EPB41L2: variants seen among roughly 807,000 people sequenced by gnomAD.
The protein encoded by EPB41L2 is band 4.1-like protein 2.
EPB41L2 carries 43 observed loss-of-function variants against 113.0 expected under a neutral mutation model. That is an observed-to-expected ratio of 0.38 (90% CI 0.30 to 0.49). EPB41L2 has a LOEUF of 0.49. Ranked by LOEUF, EPB41L2 falls within the 20% of genes least tolerant of loss-of-function variation. The probability of loss-of-function intolerance (pLI) is 0.95; values close to 1 mark genes in which losing one functional copy is unlikely to be tolerated. For synonymous variants in EPB41L2, 442 were observed against 436.7 expected (o/e 1.01, Z -0.15); for missense variants, 1,147 against 1,223.4 (o/e 0.94, Z 0.93).
intron 11 of EPB41L2, 58 bp downstream of exon 11, chr6:130,890,236 G>A (rs1792343264): frequency 6.6e-7 from 1 of 1,516,090 alleles, no homozygotes; most frequent in Non-Finnish European, 8.9e-7. Flanking sequence ...AACATTTTCT[G>A]ACCTCATGGG....
At chr6:130,927,202 C>T (rs1286200184) in intron 3 of EPB41L2, among the ~76,000 whole-genome samples, 2 of 152,066 alleles carry the variant, frequency 1.3e-5, no homozygotes, top group African/African-American at 4.8e-5. Context: ...TCTATATGAG[C>T]TATGCTCCTA....
At position 130,951,312 on chromosome 6, in the gene EPB41L2, CTTTTTTTTTTTTTT is replaced by C. The variant is rs34082234; in HGVS notation, c.705+3779_705+3792del. On this transcript the variant is annotated intron_variant, in intron 3 of 19. Transcript: ENST00000337057. ...AGAAAAAAGATGCTCAGCCTCAGTA[CTTTTTTTTTTTTTT>C]TTTTTTTTTTTTTTTGAGACAAAAG... Among the ~76,000 whole-genome samples, 6 of 50,844 alleles carry C rather than the reference CTTTTTTTTTTTTTT, an allele frequency of 1.2e-4. 1 individual carries two copies. The highest frequency in any genetic ancestry group is 2.7e-4 in the African/African-American group (2 of 7,514). 33.4% of individuals were successfully genotyped at this position (50,844 alleles called of 152,430 possible).
chr6:131,013,452 C>G (rs1485109940), intron 1 of EPB41L2: 12 of 152,010 alleles, frequency 7.9e-5, no homozygotes, highest in Non-Finnish European at 1.8e-4. Context: ...AGACTTTTAT[C>G]CAAATCAGCT....
At chr6:130,884,290 G>A (rs1171269770) in intron 12 of EPB41L2, among the ~76,000 whole-genome samples, 8 of 152,048 alleles carry the variant, frequency 5.3e-5, no homozygotes, top group African/African-American at 1.9e-4. Flanking sequence ...AGCTGAGATC[G>A]AGCCATTGCA....
chr6:130,950,577 C>A (rs1450141375), intron 3 of EPB41L2, among the ~76,000 whole-genome samples: 2 of 152,092 alleles, frequency 1.3e-5, no homozygotes, highest in African/African-American at 2.4e-5. Flanking sequence ...AGGCTACCAT[C>A]CAAGACAGTT....
At chr6:130,892,422 T>TTTTTTTTTTTTTTTA (rs59118485) in intron 10 of EPB41L2, among the ~76,000 whole-genome samples, 1 of 136,070 alleles carries the variant, frequency 7.3e-6, no homozygotes, top group Non-Finnish European at 1.6e-5. Flanking sequence ...TTTTTTTTTT[T>TTTTTTTTTTTTTTTA]ATCATTATGT....
At chr6:130,987,873 G>C (rs997556495) in intron 1 of EPB41L2, among the ~76,000 whole-genome samples, 1 of 151,644 alleles carries the variant, frequency 6.6e-6, no homozygotes, top group African/African-American at 2.4e-5. Flanking sequence ...AATACTTTGG[G>C]AGCCCTAAGC....
At chr6:130,961,457 T>C (rs1282772244) in intron 1 of EPB41L2, among the ~76,000 whole-genome samples, 3 of 152,106 alleles carry the variant, frequency 2.0e-5, no homozygotes, top group Non-Finnish European at 2.9e-5. Flanking sequence ...TTTCCAACGT[T>C]TAAAAAAGGA....
intron 3 of EPB41L2, among the ~76,000 whole-genome samples, chr6:130,951,274 G>A (rs1477145927): frequency 7.2e-6 from 1 of 139,642 alleles, no homozygotes; most frequent in Non-Finnish European, 1.5e-5. Context: ...GAGGGGGAGG[G>A]GGGGAGGGGA....
At chr6:130,922,820 T>C (rs1200274378) in intron 4 of EPB41L2, among the ~76,000 whole-genome samples, 1 of 152,152 alleles carries the variant, frequency 6.6e-6, no homozygotes, top group Admixed American at 6.5e-5. Context: ...GTTACAAGCC[T>C]CCATATGAAT....
intron 3 of EPB41L2, among the ~76,000 whole-genome samples, chr6:130,954,800 T>A (rs1184451414): frequency 6.6e-6 from 1 of 152,236 alleles, no homozygotes; most frequent in Non-Finnish European, 1.5e-5. Flanking sequence ...GTCAGCCTAG[T>A]GCTATCATTT....
intron 1 of EPB41L2, among the ~76,000 whole-genome samples, chr6:131,036,394 T>G (rs113415324): frequency 1.3e-5 from 2 of 151,666 alleles, no homozygotes; most frequent in African/African-American, 4.8e-5. Context: ...AGCAAGAGAG[T>G]GGCATAATAA....
At chr6:130,976,028 AAAAACAAAAC>A (rs369667237) in intron 1 of EPB41L2, among the ~76,000 whole-genome samples, 137 of 152,276 alleles carry the variant, frequency 9.0e-4, no homozygotes, top group Non-Finnish European at 1.5e-3. Context: ...ACTCCGTCTC[AAAAACAAAAC>A]AAAACAAAAC....
Position 130,956,310 on chromosome 6 carries a change from A to G in EPB41L2, c.176T>C (p.Leu59Pro). 2.5e-6 allele frequency: 4 copies of G among 1,614,090 alleles called. No individual in the cohort carries two copies. Among genetic ancestry groups the G allele is most frequent in the Non-Finnish European group, 3.4e-6 (4 of 1,180,016 alleles). Reference sequence around the variant, plus strand: ...TTCCTTCTCTCTCTTCTGGCGGCGTAGACTACTTTGGCTTTCAGCTGCAGG... The same window carrying G: ...TTCCTTCTCTCTCTTCTGGCGGCGTGGACTACTTTGGCTTTCAGCTGCAGG... ...PPPAAESQSS[L>P]RRQKREKETS... Residue 59 changes from leucine to proline, a missense_variant, in exon 2 of 20, where the codon CTA becomes CCA. Coordinates refer to ENST00000337057, the MANE Select transcript of EPB41L2 (RefSeq NM_001431.4).
chr6:130,845,327 G>A (rs1776687211), intron 19 of EPB41L2, among the ~76,000 whole-genome samples: 1 of 152,182 alleles, frequency 6.6e-6, no homozygotes, highest in Non-Finnish European at 1.5e-5. Context: ...TCTACTGGCA[G>A]CTCAGCCTAC....
Position 130,944,160 on chromosome 6 carries a change from CAT to C in EPB41L2, c.705+10943_705+10944del, listed in dbSNP as rs1491074667. Among the ~76,000 whole-genome samples, 303 of 140,828 alleles carry C rather than the reference CAT, an allele frequency of 2.2e-3. 1 individual carries two copies. The highest frequency in any genetic ancestry group is 7.7e-3 in the African/African-American group (294 of 38,208). 92.4% of individuals were successfully genotyped at this position (140,828 alleles called of 152,430 possible). ...TGGGTGGATTATATATATATACGTACATACACACACATACACACACACACACA... is the reference window on the plus strand; with the variant it reads ...TGGGTGGATTATATATATATACGTACACACACACATACACACACACACACA... On this transcript the variant is annotated intron_variant, in intron 3 of 19. Coordinates refer to ENST00000337057, the MANE Select transcript of EPB41L2 (RefSeq NM_001431.4).
At chr6:130,912,501 T>C (rs771761945) in intron 4 of EPB41L2, among the ~76,000 whole-genome samples, 1 of 152,188 alleles carries the variant, frequency 6.6e-6, no homozygotes, top group Admixed American at 6.5e-5. Flanking sequence ...GTTCTAACAC[T>C]GGTTATATTC....
intron 11 of EPB41L2, among the ~76,000 whole-genome samples, chr6:130,887,332 C>T (rs536524671): frequency 2.6e-5 from 4 of 152,334 alleles, no homozygotes; most frequent in Admixed American, 2.0e-4. Flanking sequence ...AGACCACCAT[C>T]GCTTTCACCT....
intron 6 of EPB41L2, 59 bp from the exon 7 acceptor site, chr6:130,901,239 C>T (rs1013506102): frequency 2.0e-6 from 3 of 1,477,830 alleles, no homozygotes; most frequent in Admixed American, 3.4e-5. Flanking sequence ...GATTGGAGCA[C>T]TCACAGTCCT....
Sources: allele counts gnomAD v4.1 joint callset (sites outside exome capture counted in the v4.1 genomes callset), GRCh38; gene constraint gnomAD v4.1.1; transcripts MANE v1.5; gene names NCBI Gene and HGNC (gene_info 2026-07-23, HGNC 2026-07-21).